Variants in CRB1 observed in about 807,000 individuals in gnomAD.
The protein encoded by CRB1 is crumbs cell polarity complex component 1.
A neutral mutation model predicts 120.0 loss-of-function variants in CRB1; 83 were observed. That is an observed-to-expected ratio of 0.69 (90% CI 0.58 to 0.83). The LOEUF is 0.83. CRB1 is among the 40% of genes least tolerant of loss of function. The pLI, the probability that CRB1 is intolerant of heterozygous loss-of-function variation, is 0.00. For synonymous variants in CRB1, 625 were observed against 612.5 expected, an observed-to-expected ratio of 1.02 and a Z score of -0.30; for missense variants, 1,699 against 1,687.6, an observed-to-expected ratio of 1.01 and a Z score of -0.12.
chr1:197,321,535 C>A (rs536410406), intron 1 of CRB1, among the ~76,000 whole-genome samples: 1 of 152,194 alleles, frequency 6.6e-6, no homozygotes, highest in South Asian at 2.1e-4. Context: ...AATGAATCAG[C>A]AAAGCAAACA....
At chr1:197,418,958 A>G (rs1420184279) in intron 5 of CRB1, among the ~76,000 whole-genome samples, 1 of 152,188 alleles carries the variant, frequency 6.6e-6, no homozygotes, top group Non-Finnish European at 1.5e-5. Context: ...CTCAATGACT[A>G]CAGTACTATT....
chr1:197,378,663 G>T (rs1314840860), intron 5 of CRB1, among the ~76,000 whole-genome samples: 2 of 152,144 alleles, frequency 1.3e-5, no homozygotes, highest in Non-Finnish European at 2.9e-5. Flanking sequence ...TTTCATAAGT[G>T]TCACAGATAA....
At chr1:197,351,788 C>A (rs1032102040) in intron 4 of CRB1, among the ~76,000 whole-genome samples, 1 of 152,098 alleles carries the variant, frequency 6.6e-6, no homozygotes, top group African/African-American at 2.4e-5. Flanking sequence ...GAAAAGGGCA[C>A]AGGTTTAGGA....
the CRB1 span, among the ~76,000 whole-genome samples, chr1:197,245,307 C>A: frequency 2.6e-5 from 4 of 152,158 alleles, no homozygotes; most frequent in Non-Finnish European, 4.4e-5. Context: ...TTTGTAATTA[C>A]TCATAGAAGC....
At chr1:197,202,373 C>T in the CRB1 span, among the ~76,000 whole-genome samples, 1 of 152,118 alleles carries the variant, frequency 6.6e-6, no homozygotes, top group Admixed American at 6.6e-5. Flanking sequence ...ATTCATATCA[C>T]CTGTGAGACT....
intron 11 of CRB1, among the ~76,000 whole-genome samples, chr1:197,461,979 A>G (rs1340751249): frequency 6.6e-6 from 1 of 152,178 alleles, no homozygotes; most frequent in African/African-American, 2.4e-5. Flanking sequence ...AATTGTACAT[A>G]AAGACAAAAG....
At chr1:197,469,943 C>G (rs2125561429) in intron 11 of CRB1, among the ~76,000 whole-genome samples, 1 of 152,242 alleles carries the variant, frequency 6.6e-6, no homozygotes, top group South Asian at 2.1e-4. Context: ...GTCATATTAT[C>G]CCTTATCTGC....
intron 8 of CRB1, among the ~76,000 whole-genome samples, chr1:197,434,337 A>C (rs1399982534): frequency 1.3e-5 from 2 of 151,500 alleles, no homozygotes; most frequent in African/African-American, 4.8e-5. Context: ...TTGTGGGAGC[A>C]AATGCAAAAT....
chr1:197,229,625 T>A, the CRB1 span, among the ~76,000 whole-genome samples: 1 of 152,238 alleles, frequency 6.6e-6, no homozygotes, highest in African/African-American at 2.4e-5. Flanking sequence ...CCTTCTCTAG[T>A]GGTTCCCAGT....
At chr1:197,288,972 TA>T (rs5779860) in intron 1 of CRB1, among the ~76,000 whole-genome samples, 33,022 of 141,550 alleles carry the variant, frequency 0.23, 3,978 homozygotes, top group Middle Eastern at 0.31. Context: ...ATACATAGGT[TA>T]AAAAAAAAAA....
chr1:197,366,229 T>C (rs1396503183), intron 5 of CRB1, among the ~76,000 whole-genome samples: 1 of 152,138 alleles, frequency 6.6e-6, no homozygotes, highest in Non-Finnish European at 1.5e-5. Context: ...ATATTCAACT[T>C]TATTTTTATT....
At chr1:197,312,271 C>T (rs1657576572) in intron 1 of CRB1, among the ~76,000 whole-genome samples, 2 of 152,078 alleles carry the variant, frequency 1.3e-5, no homozygotes, top group African/African-American at 4.8e-5. Flanking sequence ...AGTCATAAAA[C>T]ATTGTTAACA....
At chr1:197,364,164 CT>C (rs1055232531) in intron 5 of CRB1, 22 of 548,676 alleles carry the variant, frequency 4.0e-5, no homozygotes, top group South Asian at 1.7e-4. Flanking sequence ...GTCTCCATCT[CT>C]TTTTTTTATA....
At chr1:197,260,725 C>A in the CRB1 span, among the ~76,000 whole-genome samples, 37 of 148,744 alleles carry the variant, frequency 2.5e-4, no homozygotes, top group African/African-American at 3.2e-4. Context: ...GAGACGGAAT[C>A]TCGCTCTGTC....
intron 1 of CRB1, among the ~76,000 whole-genome samples, chr1:197,324,930 A>G: frequency 6.6e-6 from 1 of 152,216 alleles, no homozygotes; most frequent in East Asian, 1.9e-4. Context: ...CAAAGGAAAA[A>G]TGGTCTTAAA....
chr1:197,436,043 A>G (rs2146484), intron 9 of CRB1, among the ~76,000 whole-genome samples: 140,483 of 152,126 alleles, frequency 0.92, 65,914 homozygotes, highest in Non-Finnish European at 1. Flanking sequence ...AAAACAGTAC[A>G]TTAAAGTATA....
intron 5 of CRB1, among the ~76,000 whole-genome samples, chr1:197,369,630 A>G (rs1661266015): frequency 6.6e-6 from 1 of 152,178 alleles, no homozygotes; most frequent in Non-Finnish European, 1.5e-5. Context: ...TACATCAGGA[A>G]CAATACCACT....
chr1:197,414,027 T>TA, intron 5 of CRB1: 1 of 444,146 alleles, frequency 2.3e-6, no homozygotes, highest in Non-Finnish European at 4.6e-6. Context: ...TTATATACGC[T>TA]AATTTGCAAC....
the CRB1 span, among the ~76,000 whole-genome samples, chr1:197,250,834 C>T: frequency 1.3e-5 from 2 of 151,956 alleles, no homozygotes; most frequent in Admixed American, 6.6e-5. Context: ...GTTTCCTTGC[C>T]GTGTGGTTTT....
Sources: allele counts gnomAD v4.1 joint callset (sites outside exome capture counted in the v4.1 genomes callset), GRCh38; gene constraint gnomAD v4.1.1; transcripts MANE v1.5; gene names NCBI Gene and HGNC (gene_info 2026-07-23, HGNC 2026-07-21).